The following FUT8 variants were observed in gnomAD, a reference collection of about 807,000 sequenced individuals.
FUT8 encodes the protein fucosyltransferase 8.
Under a neutral mutation model 71.3 loss-of-function variants are expected in FUT8, and 29 were observed. The observed-to-expected ratio is 0.41, with a 90% CI of 0.30 to 0.55. The LOEUF (loss-of-function observed/expected upper bound fraction) is 0.55, where lower values mean the gene tolerates loss of function less well. Ranked by LOEUF, FUT8 falls within the 20% of genes least tolerant of loss-of-function variation. The pLI is 0.34. For missense variants in FUT8, 544 were observed against 702.1 expected, an observed-to-expected ratio of 0.77 and a Z score of 2.55; for synonymous variants, 254 against 239.3, an observed-to-expected ratio of 1.06 and a Z score of -0.57.
chr14:65,639,581 T>A (rs1337347026), intron 6 of FUT8, among the ~76,000 whole-genome samples: 2 of 152,036 alleles, frequency 1.3e-5, no homozygotes, highest in African/African-American at 4.8e-5. Flanking sequence ...ATAGTTATAT[T>A]TCTGATACTT....
At chr14:65,422,205 A>G (rs193119323) in intron 1 of FUT8, among the ~76,000 whole-genome samples, 3 of 152,320 alleles carry the variant, frequency 2.0e-5, no homozygotes, top group East Asian at 1.9e-4. Context: ...ACCAATCCAG[A>G]AAAAGGGTTC....
chr14:65,495,827 A>G (rs1012407884), intron 2 of FUT8, among the ~76,000 whole-genome samples: 1 of 152,144 alleles, frequency 6.6e-6, no homozygotes, highest in Non-Finnish European at 1.5e-5. Context: ...GTAAGGAGGT[A>G]TTTTGGAAAC....
chr14:65,385,980 C>A, the FUT8 span, among the ~76,000 whole-genome samples: 3 of 151,856 alleles, frequency 2.0e-5, no homozygotes, highest in East Asian at 6.1e-4. Context: ...GGTGAAACCC[C>A]GTCTCTACTA....
At chr14:65,513,224 T>C (rs967177501) in intron 2 of FUT8, among the ~76,000 whole-genome samples, 5 of 152,246 alleles carry the variant, frequency 3.3e-5, no homozygotes, top group African/African-American at 1.2e-4. Flanking sequence ...AGTGGATTAA[T>C]ATTGGGTTGA....
the FUT8 span, among the ~76,000 whole-genome samples, chr14:65,370,755 A>G: frequency 9.9e-5 from 15 of 152,140 alleles, no homozygotes; most frequent in South Asian, 3.1e-3. Flanking sequence ...TTAAGCTGAC[A>G]AAAAAACAGA....
chr14:65,373,462 G>A, the FUT8 span, among the ~76,000 whole-genome samples: 90 of 152,032 alleles, frequency 5.9e-4, no homozygotes, highest in African/African-American at 2.1e-3. Flanking sequence ...GGGGCAGTCA[G>A]AGAGGAGATA....
rs562002678 is a variant in FUT8 at position 65,564,155 on chromosome 14, A to G, written c.203+2389A>G. Among the ~76,000 whole-genome samples, 111 of 152,028 alleles carry G rather than the reference A, an allele frequency of 7.3e-4. No homozygotes were observed. In the East Asian group the frequency reaches 0.019, roughly 26 times the overall value. On this transcript the variant is annotated intron_variant, in intron 3 of 10. Transcript: ENST00000673929. Reference sequence around the variant, plus strand: ...CAATGGAGGTGCTACTAGCATTGGGATTTTTTTCCCCTTATAGTAATTAAG... The same window carrying G: ...CAATGGAGGTGCTACTAGCATTGGGGTTTTTTTCCCCTTATAGTAATTAAG...
the FUT8 span, among the ~76,000 whole-genome samples, chr14:65,393,035 T>A: frequency 6.6e-6 from 1 of 152,190 alleles, no homozygotes. Flanking sequence ...AGTGGATGTA[T>A]TGTTGCTGTC....
intron 7 of FUT8, among the ~76,000 whole-genome samples, chr14:65,714,346 T>A (rs1027292404): frequency 4.6e-5 from 7 of 152,176 alleles, no homozygotes; most frequent in Non-Finnish European, 7.3e-5. Context: ...TCAGATAATG[T>A]GATTCTTCTG....
chr14:65,697,477 A>G (rs1259222020), intron 7 of FUT8, among the ~76,000 whole-genome samples: 2 of 152,218 alleles, frequency 1.3e-5, no homozygotes, highest in Non-Finnish European at 2.9e-5. Flanking sequence ...AGGCTTTGAT[A>G]AAACTCCAGT....
chr14:65,461,990 AAGAAC>A (rs540579845), intron 2 of FUT8, among the ~76,000 whole-genome samples: 57 of 152,314 alleles, frequency 3.7e-4, no homozygotes, highest in African/African-American at 1.3e-3. Context: ...TTTGTGCCAA[AAGAAC>A]AGTCTGTGGG....
At chr14:65,668,584 G>A (rs1468930173) in intron 6 of FUT8, among the ~76,000 whole-genome samples, 1 of 152,082 alleles carries the variant, frequency 6.6e-6, no homozygotes. Context: ...CATTGCCAGT[G>A]GAAATGTAAA....
chr14:65,441,601 A>C (rs1378760269), intron 1 of FUT8, among the ~76,000 whole-genome samples: 10 of 151,914 alleles, frequency 6.6e-5, no homozygotes, highest in Admixed American at 1.3e-4. Flanking sequence ...ACAAAAAAAA[A>C]AATTAGCCGG....
At chr14:65,482,504 C>G (rs2066347174) in intron 2 of FUT8, among the ~76,000 whole-genome samples, 1 of 152,158 alleles carries the variant, frequency 6.6e-6, no homozygotes, top group Admixed American at 6.5e-5. Context: ...ATAAAGCCAA[C>G]TTTTCCAATT....
chr14:65,508,264 G>A lies in FUT8; in HGVS notation c.-228+52546G>A, dbSNP rs1336429561. ...TTGTTTTTGTATTTTAGTAGAGACA[G>A]GGTTTCACCATGTTGCCGAGGCTGG... On this transcript the variant is annotated intron_variant, in intron 2 of 10. Transcript: ENST00000673929. 2.0e-5 allele frequency among the ~76,000 whole-genome samples: 3 copies of A among 151,686 alleles called. No individual in the cohort carries two copies. The East Asian group carries it at 5.8e-4, about 29-fold the overall frequency.
At chr14:65,392,730 G>C in the FUT8 span, among the ~76,000 whole-genome samples, 1 of 152,350 alleles carries the variant, frequency 6.6e-6, no homozygotes, top group South Asian at 2.1e-4. Context: ...TAAAATGGCA[G>C]TGTTTTTGGT....
intron 3 of FUT8, among the ~76,000 whole-genome samples, chr14:65,587,502 A>T (rs1179922069): frequency 6.6e-6 from 1 of 152,244 alleles, no homozygotes; most frequent in Non-Finnish European, 1.5e-5. Flanking sequence ...TGTCACAAAG[A>T]GAACAAATAG....
chr14:65,538,784 G>A (rs558138818), intron 2 of FUT8, among the ~76,000 whole-genome samples: 7 of 152,112 alleles, frequency 4.6e-5, no homozygotes, highest in Non-Finnish European at 1.0e-4. Context: ...AGTGGGTGTG[G>A]TGGCATGCGC....
At chr14:65,703,990 G>T (rs968415946) in intron 7 of FUT8, among the ~76,000 whole-genome samples, 1 of 152,002 alleles carries the variant, frequency 6.6e-6, no homozygotes, top group African/African-American at 2.4e-5. Context: ...CTTCTCTTAC[G>T]ATGTGGCCAG....
Sources: gnomAD v4.1 joint callset for allele counts (sites outside exome capture counted in the v4.1 genomes callset) on GRCh38, gnomAD v4.1.1 for gene constraint, MANE v1.5 for transcripts, NCBI Gene and HGNC (gene_info 2026-07-23, HGNC 2026-07-21) for gene names.